NCK1: variants seen among roughly 807,000 people sequenced by gnomAD.
NCK1 encodes the protein NCK adaptor protein 1.
In NCK1, 19 loss-of-function variants were observed where a neutral mutation model predicts 36.6. The ratio of observed to expected loss-of-function variants is 0.52; its 90% CI spans 0.36 to 0.76. NCK1 has a LOEUF of 0.76. Among genes scored for constraint, NCK1 ranks in the 30% least tolerant of loss-of-function variants. The pLI is 0.00. For synonymous variants in NCK1, 165 were observed against 156.0 expected (o/e 1.06, Z -0.43); for missense variants, 358 against 445.6 (o/e 0.80, Z 1.77).
chr3:136,911,598 C>T (rs181844554), intron 1 of NCK1, among the ~76,000 whole-genome samples: 4 of 152,146 alleles, frequency 2.6e-5, no homozygotes, highest in East Asian at 3.9e-4. Context: ...TTCTTGCTAC[C>T]GAATTGTCTG....
At chr3:136,863,520 A>G (rs1938310682) in intron 1 of NCK1, among the ~76,000 whole-genome samples, 1 of 152,194 alleles carries the variant, frequency 6.6e-6, no homozygotes, top group Admixed American at 6.5e-5. Context: ...TTAAATAGGC[A>G]TCCCATTCAC....
intron 2 of NCK1, among the ~76,000 whole-genome samples, chr3:136,941,932 G>A (rs1167172935): frequency 2.6e-5 from 4 of 152,094 alleles, no homozygotes; most frequent in Non-Finnish European, 5.9e-5. Flanking sequence ...TCCACCTCCC[G>A]GGTTCAAGCA....
intron 1 of NCK1, among the ~76,000 whole-genome samples, chr3:136,868,728 A>T (rs888956106): frequency 6.6e-6 from 1 of 152,200 alleles, no homozygotes; most frequent in African/African-American, 2.4e-5. Context: ...GATAATGCCA[A>T]TTAATCTTTG....
Position 136,949,013 on chromosome 3 carries a change from A to C in NCK1, c.*560A>C, listed in dbSNP as rs1185845924. On this transcript the variant is annotated 3_prime_UTR_variant, in exon 4 of 4. Coordinates refer to ENST00000481752, the MANE Select transcript of NCK1 (RefSeq NM_001291999.2). ...ATTGTGTCTGCCATAATTTTTAAAAATACATTCATTGTCTTCAGTCATACA... is the reference window on the plus strand; with the variant it reads ...ATTGTGTCTGCCATAATTTTTAAAACTACATTCATTGTCTTCAGTCATACA... 3 of 152,618 alleles carry C rather than the reference A, an allele frequency of 2.0e-5. No homozygotes were observed. Among genetic ancestry groups the C allele is most frequent in the African/African-American group, 7.2e-5 (3 of 41,576 alleles). 9.5% of individuals were successfully genotyped at this position (152,618 alleles called of 1,614,324 possible).
chr3:136,876,585 A>T (rs535994832), intron 1 of NCK1, among the ~76,000 whole-genome samples: 2 of 151,142 alleles, frequency 1.3e-5, no homozygotes, highest in Admixed American at 6.6e-5. Context: ...TTTTTTTTTT[A>T]AACCAAAAAA....
At chr3:136,877,476 C>G (rs78597065) in intron 1 of NCK1, among the ~76,000 whole-genome samples, 6,206 of 152,090 alleles carry the variant, frequency 0.041, 211 homozygotes, top group Non-Finnish European at 0.062. Context: ...TAGAGCCATG[C>G]TTAGAGGAAG....
rs1431991921 is a variant in NCK1 at position 136,888,090 on chromosome 3, G to A, written c.-19+25737G>A. ...CTCCCAAGTTGCTGGGATTACAGGC[G>A]TCTGCCAGCACGCCTGGCTAATTTT... On this transcript the variant is annotated intron_variant, in intron 1 of 3. Transcript: ENST00000481752. Among the ~76,000 whole-genome samples, 5 of 151,946 alleles carry A rather than the reference G, an allele frequency of 3.3e-5. No individual in the cohort carries two copies. The South Asian group carries it at 8.3e-4, about 25-fold the overall frequency.
intron 2 of NCK1, among the ~76,000 whole-genome samples, chr3:136,936,056 T>C (rs919744312): frequency 1.7e-5 from 2 of 120,484 alleles, no homozygotes; most frequent in African/African-American, 6.0e-5. Flanking sequence ...TTTTTTTTTT[T>C]CTGAGACAGA....
intron 1 of NCK1, among the ~76,000 whole-genome samples, chr3:136,918,124 G>T (rs1940012626): frequency 6.6e-6 from 1 of 152,126 alleles, no homozygotes. Context: ...CTTAGAGTTT[G>T]TAAAGTGAAA....
At chr3:136,908,916 G>A (rs572220956) in intron 1 of NCK1, among the ~76,000 whole-genome samples, 82 of 152,242 alleles carry the variant, frequency 5.4e-4, no homozygotes, top group African/African-American at 1.9e-3. Context: ...GGTGTTGGGA[G>A]GTGGGGCATA....
At chr3:136,887,087 A>G (rs1162767626) in intron 1 of NCK1, among the ~76,000 whole-genome samples, 2 of 151,988 alleles carry the variant, frequency 1.3e-5, no homozygotes, top group Non-Finnish European at 2.9e-5. Flanking sequence ...CAGGTGATCC[A>G]CCTGCTTTGG....
chr3:136,886,871 TTTGC>T (rs1939088118), intron 1 of NCK1, among the ~76,000 whole-genome samples: 1 of 151,426 alleles, frequency 6.6e-6, no homozygotes, highest in Non-Finnish European at 1.5e-5. Flanking sequence ...GAGACGGAGT[TTTGC>T]TCTTATTGCC....
chr3:136,882,547 C>CTG (rs35463509), intron 1 of NCK1, among the ~76,000 whole-genome samples: 23,996 of 143,354 alleles, frequency 0.17, 2,132 homozygotes, highest in African/African-American at 0.26. Context: ...TCCCACATCA[C>CTG]TGTGTGTGTG....
intron 2 of NCK1, among the ~76,000 whole-genome samples, chr3:136,932,473 A>G (rs1457861935): frequency 6.6e-6 from 1 of 152,224 alleles, no homozygotes; most frequent in Non-Finnish European, 1.5e-5. Flanking sequence ...TGTTTTAAAT[A>G]AAACAATAAA....
chr3:136,927,123 C>T (rs1299237986), intron 1 of NCK1, among the ~76,000 whole-genome samples: 2 of 152,132 alleles, frequency 1.3e-5, no homozygotes, highest in Non-Finnish European at 2.9e-5. Context: ...AAGTGTGCGC[C>T]ACCATACCTA....
rs77277219 is a variant in NCK1, at chr3:136,940,126, G to A, written c.227-5457G>A. ...GATCCCCCGACCTTGGACTCCCAAA[G>A]TGTTGGAATTACAGGCTTGAGCCAC... On this transcript the variant is annotated intron_variant, in intron 2 of 3. Transcript: ENST00000481752. 1.6e-3 allele frequency among the ~76,000 whole-genome samples: 244 copies of A among 152,288 alleles called. 4 individuals carry two copies. In the East Asian group the frequency reaches 0.044, roughly 27 times the overall value.
At chr3:136,920,472 T>C (rs933489355) in intron 1 of NCK1, among the ~76,000 whole-genome samples, 5 of 152,134 alleles carry the variant, frequency 3.3e-5, no homozygotes, top group Admixed American at 2.6e-4. Flanking sequence ...TAAAGAAAGA[T>C]AAGCAAAAAG....
At chr3:136,920,270 G>T (rs1411550946) in intron 1 of NCK1, among the ~76,000 whole-genome samples, 1 of 151,546 alleles carries the variant, frequency 6.6e-6, no homozygotes, top group East Asian at 1.9e-4. Flanking sequence ...AAATAGTGTA[G>T]GTCAAATAAA....
At chr3:136,869,604 A>T (rs1304423725) in intron 1 of NCK1, among the ~76,000 whole-genome samples, 1 of 152,150 alleles carries the variant, frequency 6.6e-6, no homozygotes, top group African/African-American at 2.4e-5. Context: ...GAGTGCTTTT[A>T]TATGTTTGTT....
Sources: allele counts gnomAD v4.1 joint callset (sites outside exome capture counted in the v4.1 genomes callset), GRCh38; gene constraint gnomAD v4.1.1; transcripts MANE v1.5; gene names NCBI Gene and HGNC (gene_info 2026-07-23, HGNC 2026-07-21).